Variants in GYG1 observed in about 807,000 individuals in gnomAD.
The protein encoded by GYG1 is glycogenin-1.
GYG1 carries 44 observed loss-of-function variants against 41.9 expected under a neutral mutation model. The ratio of observed to expected loss-of-function variants is 1.05; its 90% CI spans 0.83 to 1.35. GYG1 has a LOEUF of 1.35. Ranked by LOEUF, GYG1 falls within the 40% of genes most tolerant of loss-of-function variation. The pLI is 0.00. For synonymous variants in GYG1, 141 were observed against 158.1 expected (o/e 0.89, Z 0.81); for missense variants, 429 against 418.9 (o/e 1.02, Z -0.21).
Position 149,024,157 on chromosome 3 carries a change from C to G in GYG1, c.713C>G (p.Pro238Arg), listed in dbSNP as rs2107921870. 1 of 1,613,302 alleles carries G rather than the reference C, an allele frequency of 6.2e-7. No individual in the cohort carries two copies. Residue 238 changes from proline to arginine, a missense_variant, in exon 6 of 8, where the codon CCC becomes CGC. By Grantham distance (103) the Pro-to-Arg change is moderately radical. Coordinates refer to ENST00000345003, the MANE Select transcript of GYG1 (RefSeq NM_004130.4). ...TKSVKSEAHD[P>R]NMTHPEFLIL... ...AGTGTCAAAAGTGAGGCCCATGATC[C>G]CAACATGACTCATCCAGAGTTTCTC...
At position 149,018,730 on chromosome 3, in the gene GYG1, A is replaced by G. The variant is rs148976970; in HGVS notation, c.609-5323A>G. ...AAACCTCTGACCATTCACTACCACTATCCATTTCCATAGATAGTAGGTGTG... is the reference window on the plus strand; with the variant it reads ...AAACCTCTGACCATTCACTACCACTGTCCATTTCCATAGATAGTAGGTGTG... On this transcript the variant is annotated intron_variant, in intron 5 of 7. Coordinates refer to ENST00000345003, the MANE Select transcript of GYG1 (RefSeq NM_004130.4). Among the ~76,000 whole-genome samples, 187 of 152,202 alleles carry G rather than the reference A, an allele frequency of 1.2e-3. 2 individuals are homozygous for G. The highest frequency in any genetic ancestry group is 4.3e-3 in the African/African-American group (178 of 41,532).
chr3:149,015,607 G>A (rs1368110419), intron 5 of GYG1, among the ~76,000 whole-genome samples: 2 of 152,178 alleles, frequency 1.3e-5, no homozygotes, highest in African/African-American at 4.8e-5. Flanking sequence ...GGCACTGGAT[G>A]TGGAATGTGG....
intron 1 of GYG1, among the ~76,000 whole-genome samples, chr3:148,993,686 G>A (rs1712621764): frequency 6.6e-6 from 1 of 152,158 alleles, no homozygotes; most frequent in African/African-American, 2.4e-5. Flanking sequence ...TGGCATAAAC[G>A]TAAGCACCAG....
chr3:149,021,145 C>G (rs547764138), intron 5 of GYG1, among the ~76,000 whole-genome samples: 10 of 152,174 alleles, frequency 6.6e-5, no homozygotes, highest in Non-Finnish European at 1.3e-4. Context: ...TTTCAGTAGC[C>G]CTTAATGTCA....
chr3:149,016,260 C>CAA (rs369746026), intron 5 of GYG1, among the ~76,000 whole-genome samples: 16,781 of 69,688 alleles, frequency 0.24, 1,829 homozygotes, highest in East Asian at 0.43. Context: ...GACTCCGTCT[C>CAA]AAAAAAAAAA....
At chr3:149,009,489 C>T (rs569982940) in intron 5 of GYG1, 87 bp downstream of exon 5, 67 of 1,273,490 alleles carry the variant, frequency 5.3e-5, no homozygotes, top group Admixed American at 5.2e-4. Flanking sequence ...ATTGTCATTC[C>T]GAGGGAAATA....
chr3:149,002,692 A>G (rs1229206003), intron 4 of GYG1, among the ~76,000 whole-genome samples: 1 of 152,168 alleles, frequency 6.6e-6, no homozygotes, highest in Non-Finnish European at 1.5e-5. Flanking sequence ...GGCAGTAATG[A>G]TTATATCCAC....
chr3:149,022,106 T>C (rs1461953969), intron 5 of GYG1, among the ~76,000 whole-genome samples: 6 of 152,196 alleles, frequency 3.9e-5, no homozygotes, highest in Admixed American at 6.5e-5. Flanking sequence ...TCTGCTCCCA[T>C]TGAAGCTGGA....
intron 4 of GYG1, among the ~76,000 whole-genome samples, chr3:149,001,941 T>C (rs1202492264): frequency 5.3e-5 from 8 of 152,238 alleles, no homozygotes; most frequent in African/African-American, 1.9e-4. Flanking sequence ...GCAGCTGGTA[T>C]ATTCCTCATT....
chr3:149,009,049 C>T (rs1348693992), intron 4 of GYG1: 1 of 453,760 alleles, frequency 2.2e-6, no homozygotes, highest in Non-Finnish European at 3.9e-6. Flanking sequence ...GTCCCAGCTA[C>T]TCGGGAGGCT....
At position 148,996,816 on chromosome 3, in the gene GYG1, C is replaced by T; in HGVS notation, c.393C>T (p.Cys131=). The T allele has an allele frequency of 6.2e-7, 1 of 1,612,956 alleles. No individual in the cohort carries two copies. The highest frequency in any genetic ancestry group is 8.5e-7 in the Non-Finnish European group (1 of 1,178,912). The change falls in exon 4 of 8, where the codon TGC becomes TGT. Residue 131 remains cysteine (C), a synonymous_variant. Coordinates refer to ENST00000345003, the MANE Select transcript of GYG1 (RefSeq NM_004130.4). ...CACCAGACCCAGGGTGGCCTGACTG[C>T]TTCAATTCCGGAGTCTTCGTTTATC... ...SAAPDPGWPD[C]FNSGVFVYQP... is the part of the protein sequence containing the mutation.
At chr3:149,022,123 C>T (rs1314905206) in intron 5 of GYG1, among the ~76,000 whole-genome samples, 1 of 152,170 alleles carries the variant, frequency 6.6e-6, no homozygotes, top group Admixed American at 6.6e-5. Flanking sequence ...TGGATAGTGC[C>T]CTTCCTGCTG....
intron 5 of GYG1, among the ~76,000 whole-genome samples, chr3:149,013,465 C>T (rs1713852211): frequency 6.6e-6 from 1 of 152,152 alleles, no homozygotes; most frequent in Non-Finnish European, 1.5e-5. Context: ...TTTCTTCAAA[C>T]CACTACATAA....
At chr3:149,026,359 C>T in intron 6 of GYG1, 93 bp from the exon 7 acceptor site, 1 of 843,866 alleles carries the variant, frequency 1.2e-6, no homozygotes, top group Admixed American at 1.7e-5. Context: ...TTTAAGTTCT[C>T]AACCTTTCAG....
Position 148,996,982 on chromosome 3 carries a change from G to A in GYG1, c.481+78G>A, listed in dbSNP as rs577082367. On this transcript the variant is annotated intron_variant, in intron 4 of 7. Transcript: ENST00000345003. ...GGCTGCTCTTCTCAGGAATATAATT[G>A]CTGTGGTTTATTCTGCCTGGAAGAT... is the stretch of plus-strand genomic sequence containing the variant. 2,916 of 1,095,936 alleles carry A rather than the reference G, an allele frequency of 2.7e-3. 5 individuals are homozygous for A. Among genetic ancestry groups the A allele is most frequent in the Non-Finnish European group, 3.6e-3 (2,565 of 713,466 alleles). 67.9% of individuals were successfully genotyped at this position (1,095,936 alleles called of 1,614,324 possible). A position where few individuals can be genotyped will look rare whatever the true frequency, so the allele number is the denominator to read the frequency against.
At chr3:149,023,966 G>C (rs901163800) in intron 5 of GYG1, 87 bp from the exon 6 acceptor site, 34 of 891,638 alleles carry the variant, frequency 3.8e-5, no homozygotes, top group Non-Finnish European at 5.6e-5. Context: ...AAGAAAGAAA[G>C]CTATAGAAAA....
At chr3:149,025,936 G>A (rs1165125181) in intron 6 of GYG1, among the ~76,000 whole-genome samples, 1 of 152,146 alleles carries the variant, frequency 6.6e-6, no homozygotes, top group African/African-American at 2.4e-5. Flanking sequence ...TGAACAGAGA[G>A]GACTCTGGAA....
In GYG1 at chr3:149,027,894, T is replaced by G. The variant is rs1714740654; in HGVS notation, c.*961T>G. 6.6e-6 allele frequency among the ~76,000 whole-genome samples: 1 copy of G among 152,234 alleles called. No homozygotes were observed. Among genetic ancestry groups the G allele is most frequent in the South Asian group, 2.1e-4 (1 of 4,828 alleles). The stretch of plus-strand genomic sequence containing the variant: ...CTGCACCTCTCTATTAAGTGGGTAT[T>G]TAGCTATTTAGAATATTTTAACCTT... On this transcript the variant is annotated 3_prime_UTR_variant, in exon 8 of 8. Coordinates refer to ENST00000345003, the MANE Select transcript of GYG1 (RefSeq NM_004130.4).
At chr3:149,013,033 T>TG in intron 5 of GYG1, among the ~76,000 whole-genome samples, 1 of 77,938 alleles carries the variant, frequency 1.3e-5, no homozygotes, top group African/African-American at 8.0e-5. Context: ...GTGTGTGTGT[T>TG]TTATAGAGAC....
Sources: gnomAD v4.1 joint callset for allele counts (sites outside exome capture counted in the v4.1 genomes callset) on GRCh38, gnomAD v4.1.1 for gene constraint, MANE v1.5 for transcripts, NCBI Gene and HGNC (gene_info 2026-07-23, HGNC 2026-07-21) for gene names.